RGS22: variants seen among roughly 807,000 people sequenced by gnomAD.
The protein encoded by RGS22 is regulator of G-protein signaling 22.
A neutral mutation model predicts 172.9 loss-of-function variants in RGS22; 148 were observed. The observed-to-expected ratio is 0.86, with a 90% confidence interval of 0.75 to 0.98. RGS22 has a LOEUF of 0.98. Ranked by LOEUF, RGS22 falls within the 50% of genes least tolerant of loss-of-function variation. The pLI, the probability that RGS22 is intolerant of heterozygous loss-of-function variation, is 0.00. For synonymous variants in RGS22, 458 were observed against 480.2 expected (o/e 0.95, Z 0.60); for missense variants, 1,347 against 1,440.8 (o/e 0.93, Z 1.05).
chr8:100,038,794 T>C (rs1819780939), intron 14 of RGS22, 137 bp downstream of exon 14: 2 of 440,230 alleles, frequency 4.5e-6, no homozygotes, highest in East Asian at 6.8e-5. Context: ...TGATTTCAAA[T>C]ACAGTAATCC....
At chr8:100,038,333 ATTT>A (rs34036546) in intron 14 of RGS22, among the ~76,000 whole-genome samples, 1 of 149,834 alleles carries the variant, frequency 6.7e-6, no homozygotes, top group African/African-American at 2.5e-5. Flanking sequence ...TTCCCCCTCT[ATTT>A]TTTTTTTTCT....
At chr8:100,056,994 G>A (rs1298956052) in intron 9 of RGS22, among the ~76,000 whole-genome samples, 4 of 152,196 alleles carry the variant, frequency 2.6e-5, no homozygotes, top group African/African-American at 9.6e-5. Context: ...AAGGCAGTCG[G>A]GAGGGAGGCC....
At chr8:100,082,995 T>C (rs2131920739) in intron 3 of RGS22, among the ~76,000 whole-genome samples, 1 of 152,154 alleles carries the variant, frequency 6.6e-6, no homozygotes, top group East Asian at 1.9e-4. Context: ...TAACATAGTA[T>C]AACCAGATCA....
intron 10 of RGS22, among the ~76,000 whole-genome samples, chr8:100,052,070 T>C (rs1413404811): frequency 5.0e-5 from 5 of 99,394 alleles, no homozygotes; most frequent in Non-Finnish European, 9.0e-5. Flanking sequence ...TATATTTATA[T>C]ATAAATGTTT....
At position 99,961,076 on chromosome 8, in the gene RGS22, T is replaced by C. The variant is rs979349077; in HGVS notation, c.*166A>G. 5.2e-6 allele frequency: 2 copies of C among 385,206 alleles called. No homozygotes were observed. The highest frequency in any genetic ancestry group is 7.1e-5 in the Admixed American group (2 of 28,322). 23.9% of individuals were successfully genotyped at this position (385,206 alleles called of 1,614,324 possible). A position where few individuals can be genotyped will look rare whatever the true frequency, so the allele number is the denominator to read the frequency against. On this transcript the variant is annotated 3_prime_UTR_variant, in exon 28 of 28. Coordinates refer to ENST00000360863, the MANE Select transcript of RGS22 (RefSeq NM_015668.5). The stretch of plus-strand genomic sequence containing the variant: ...GACAAGCCAAATTTTCTTTATTTAT[T>C]TCCCACCTGGAAAATCCAGAATCAA...
rs1810149228 is a variant in RGS22 at position 99,961,138 on chromosome 8, C to T, written c.*104G>A. 2.2e-6 allele frequency: 1 copy of T among 447,684 alleles called. No individual in the cohort carries two copies. The highest frequency in any genetic ancestry group is 4.5e-6 in the Non-Finnish European group (1 of 224,074). The allele number at this position is 447,684 out of a possible 1,614,324, so 27.7% of individuals were successfully genotyped here. On this transcript the variant is annotated 3_prime_UTR_variant, in exon 28 of 28. Transcript: ENST00000360863. ...ATGTTAGGCTTGCTCTGATACAGAC[C>T]TTCAAAAAAACAAATCACTGGAGCT... is the stretch of plus-strand genomic sequence containing the variant.
rs373596881 is a variant in RGS22, at chr8:99,982,136, G to A, written c.3181-20C>T. ...CAAGTCCTGAACAGAAGGAAAGATA[G>A]AATGGTATATAATTAATGCATTACC... On this transcript the variant is annotated intron_variant, in intron 21 of 27. Coordinates refer to ENST00000360863, the MANE Select transcript of RGS22 (RefSeq NM_015668.5). 1.3e-6 allele frequency: 2 copies of A among 1,580,324 alleles called. No homozygotes were observed. Among genetic ancestry groups the A allele is most frequent in the South Asian group, 1.2e-5 (1 of 86,432 alleles).
intron 20 of RGS22, among the ~76,000 whole-genome samples, chr8:99,988,011 T>C (rs1470683868): frequency 6.6e-6 from 1 of 151,272 alleles, no homozygotes; most frequent in African/African-American, 2.4e-5. Context: ...TATATTAATA[T>C]ATAATTCTCC....
chr8:100,090,151 C>T (rs965542078), intron 3 of RGS22, among the ~76,000 whole-genome samples: 2 of 152,124 alleles, frequency 1.3e-5, no homozygotes, highest in Admixed American at 6.6e-5. Flanking sequence ...CTGTGCCAGG[C>T]GCTTAACATA....
chr8:100,020,328 A>T (rs1817484163), intron 14 of RGS22, among the ~76,000 whole-genome samples: 1 of 152,238 alleles, frequency 6.6e-6, no homozygotes, highest in African/African-American at 2.4e-5. Context: ...CTCTAAAGAC[A>T]AAAGAAGAAA....
intron 20 of RGS22, among the ~76,000 whole-genome samples, chr8:99,989,909 G>GATAGATAGAT (rs1813528122): frequency 2.4e-5 from 3 of 125,254 alleles, no homozygotes; most frequent in African/African-American, 8.9e-5. Flanking sequence ...GATAGATATA[G>GATAGATAGAT]ATAGATAGAT....
intron 23 of RGS22, among the ~76,000 whole-genome samples, chr8:99,966,957 C>A (rs1810801363): frequency 1.3e-5 from 2 of 152,140 alleles, no homozygotes; most frequent in Admixed American, 1.3e-4. Context: ...AGGAACAGCT[C>A]CCGTCTGCAG....
At chr8:100,045,589 CTT>C (rs1322565699) in intron 11 of RGS22, among the ~76,000 whole-genome samples, 2 of 151,974 alleles carry the variant, frequency 1.3e-5, no homozygotes, top group African/African-American at 2.4e-5. Context: ...AAAAGGCACT[CTT>C]ATACAAGCTG....
intron 21 of RGS22, 23 bp from the exon 22 acceptor site, chr8:99,982,139 T>C (rs773292794): frequency 3.8e-6 from 6 of 1,566,972 alleles, no homozygotes; most frequent in East Asian, 2.3e-5. Flanking sequence ...AAAGATAGAA[T>C]GGTATATAAT....
intron 3 of RGS22, among the ~76,000 whole-genome samples, chr8:100,081,467 G>C (rs893220408): frequency 6.6e-6 from 1 of 151,242 alleles, no homozygotes; most frequent in Non-Finnish European, 1.5e-5. Flanking sequence ...TGGATGATAC[G>C]GTTCAAGATG....
chr8:99,989,853 TAGAC>T (rs1213124347), intron 20 of RGS22, among the ~76,000 whole-genome samples: 190 of 131,080 alleles, frequency 1.4e-3, no homozygotes, highest in African/African-American at 4.5e-3. Flanking sequence ...TCTAGATAGA[TAGAC>T]AGACAGATAG....
intron 14 of RGS22, among the ~76,000 whole-genome samples, chr8:100,037,803 C>A (rs1254311878): frequency 6.6e-6 from 1 of 152,080 alleles, no homozygotes; most frequent in East Asian, 1.9e-4. Context: ...AAAGGATTAA[C>A]AAACAGAATA....
At chr8:99,984,552 G>C (rs1275169080) in intron 21 of RGS22, among the ~76,000 whole-genome samples, 1 of 151,998 alleles carries the variant, frequency 6.6e-6, no homozygotes. Context: ...GTGACTCTCA[G>C]TCCAGGAGAG....
chr8:99,972,468 T>A (rs1811466642), intron 23 of RGS22, among the ~76,000 whole-genome samples: 1 of 152,070 alleles, frequency 6.6e-6, no homozygotes, highest in South Asian at 2.1e-4. Context: ...ACAGGCAACC[T>A]ACAGATTGGG....
Sources: gnomAD v4.1 joint callset for allele counts (sites outside exome capture counted in the v4.1 genomes callset) on GRCh38, gnomAD v4.1.1 for gene constraint, MANE v1.5 for transcripts, NCBI Gene and HGNC (gene_info 2026-07-23, HGNC 2026-07-21) for gene names.